The following CCDC57 variants were observed in gnomAD, a reference collection of about 807,000 sequenced individuals.
The protein encoded by CCDC57 is coiled-coil domain containing 57.
A neutral mutation model predicts 118.9 loss-of-function variants in CCDC57; 118 were observed. The ratio of observed to expected loss-of-function variants is 0.99; its 90% CI spans 0.86 to 1.16. The LOEUF is 1.16. Ranked by LOEUF, CCDC57 falls within the 50% of genes most tolerant of loss-of-function variation. The probability of loss-of-function intolerance (pLI) is 0.00; values close to 1 mark genes in which losing one functional copy is unlikely to be tolerated. For missense variants in CCDC57, 1,300 were observed against 1,320.7 expected (o/e 0.98, Z 0.24); for synonymous variants, 527 against 532.9 (o/e 0.99, Z 0.15).
At chr17:82,181,040 C>T (rs1364892711) in intron 9 of CCDC57, among the ~76,000 whole-genome samples, 4 of 151,578 alleles carry the variant, frequency 2.6e-5, no homozygotes, top group Non-Finnish European at 4.4e-5. Context: ...CGGCAAACCA[C>T]GCAGAGCACG....
intron 8 of CCDC57, among the ~76,000 whole-genome samples, chr17:82,187,538 C>T (rs1170426384): frequency 2.2e-5 from 1 of 46,290 alleles, no homozygotes; most frequent in Non-Finnish European, 3.9e-5. Context: ...TGGTGGGGCT[C>T]GGGGGGAGCT....
intron 9 of CCDC57, among the ~76,000 whole-genome samples, chr17:82,179,521 G>A (rs888598698): frequency 6.6e-6 from 1 of 152,138 alleles, no homozygotes; most frequent in African/African-American, 2.4e-5. Context: ...CAAAGGAACG[G>A]AGCTATGAAA....
intron 16 of CCDC57, 35 bp downstream of exon 15, chr17:82,151,525 A>C: frequency 8.4e-6 from 13 of 1,543,976 alleles, no homozygotes; most frequent in Non-Finnish European, 1.1e-5. Context: ...AACCTGACCC[A>C]CACTCAGGCC....
chr17:82,199,477 C>CAAATAAAAAAAAAAA (rs2048731493), intron 3 of CCDC57, among the ~76,000 whole-genome samples: 1 of 87,716 alleles, frequency 1.1e-5, no homozygotes, highest in Non-Finnish European at 2.2e-5. Context: ...GACTCTGTCT[C>CAAATAAAAAAAAAAA]AAAAAAAAAA....
At chr17:82,113,348 A>C (rs763110934) in intron 19 of CCDC57, 3 of 713,030 alleles carry the variant, frequency 4.2e-6, no homozygotes, top group Non-Finnish European at 5.2e-6. Flanking sequence ...CCAGCCTCAT[A>C]AAATGTCACC....
Position 82,171,698 on chromosome 17 carries a change from T to C in CCDC57, c.1882+3A>G, listed in dbSNP as rs2146259099. ...CAAGTACCCCACTGAGACGCGGACT[T>C]ACCAGTCGTCTCTGTCGAGGTGCGG... On this transcript the variant is annotated splice_donor_region_variant and intron_variant, in intron 13 of 19. Transcript: ENST00000665763. 6.2e-7 allele frequency: 1 copy of C among 1,609,584 alleles called. No individual in the cohort carries two copies. The highest frequency in any genetic ancestry group is 8.5e-7 in the Non-Finnish European group (1 of 1,176,122).
Position 82,114,813 on chromosome 17 carries a change from C to T in CCDC57, c.2899+12879G>A, listed in dbSNP as rs191320237. Among the ~76,000 whole-genome samples, 272 of 152,298 alleles carry T rather than the reference C, an allele frequency of 1.8e-3. 1 individual carries two copies. The highest frequency in any genetic ancestry group is 2.6e-3 in the Non-Finnish European group (178 of 68,020). ...GGGCAGGAGTGTGCCATGATTTGGCCCATACTTTGTTTGGATTTACTTAGT... is the reference window on the plus strand; with the variant it reads ...GGGCAGGAGTGTGCCATGATTTGGCTCATACTTTGTTTGGATTTACTTAGT... On this transcript the variant is annotated intron_variant, in intron 19 of 19. Coordinates refer to ENST00000665763, the Ensembl canonical transcript of CCDC57.
In CCDC57 at chr17:82,163,864, G is replaced by A. The variant is rs577376041; in HGVS notation, c.1883-507C>T. Among the ~76,000 whole-genome samples, 7 of 152,262 alleles carry A rather than the reference G, an allele frequency of 4.6e-5. No homozygotes were observed. The South Asian group carries it at 1.5e-3, about 32-fold the overall frequency. ...AAGAAGAAAGGCCAAAAACCAATGAGCTAAACATTCATCTCAAGAAATTAG... is the reference window on the plus strand; with the variant it reads ...AAGAAGAAAGGCCAAAAACCAATGAACTAAACATTCATCTCAAGAAATTAG... On this transcript the variant is annotated intron_variant, in intron 13 of 19. Transcript: ENST00000665763.
At position 82,201,862 on chromosome 17, in the gene CCDC57, C is replaced by T. The variant is rs370460701; in HGVS notation, c.83G>A (p.Arg28His). Residue 28 changes from arginine (R) to histidine (H), a missense_variant, in exon 3 of 20, where the codon CGC becomes CAC. Physicochemically the swap from Arg to His is conservative, Grantham distance 29 (BLOSUM62 0). Transcript: ENST00000665763. Reference sequence around the variant, plus strand: ...CAGAGCCGCCTCCTGCAGCTGGGTGCGGTGTGCCTGCAGCGCCCTCCACTC... The same window carrying T: ...CAGAGCCGCCTCCTGCAGCTGGGTGTGGTGTGCCTGCAGCGCCCTCCACTC... 5.1e-5 allele frequency: 83 copies of T among 1,613,060 alleles called. No homozygotes were observed. The highest frequency in any genetic ancestry group is 1.0e-4 in the Admixed American group (6 of 60,000).
chr17:82,130,499 C>CTTTTTTTT (rs35413191), intron 17 of CCDC57, among the ~76,000 whole-genome samples: 1 of 88,946 alleles, frequency 1.1e-5, no homozygotes, highest in Admixed American at 1.5e-4. Flanking sequence ...CCAGACAAAA[C>CTTTTTTTT]TTTTTTTTTT....
rs1466964434 is a variant in CCDC57 at position 82,192,111 on chromosome 17, A to C, written c.851+1645T>G. On this transcript the variant is annotated intron_variant, in intron 7 of 19. Coordinates refer to ENST00000665763, the Ensembl canonical transcript of CCDC57. The surrounding 1 kb of genome is among the most constrained non-coding windows in gnomAD (Gnocchi z 4.0). ...AGTGATTCCCCTGCCTCAGCCTGCC[A>C]AGTAGCTGGGATTACAGGCGTGCAC... Among the ~76,000 whole-genome samples the C allele has an allele frequency of 4.0e-5, 6 of 151,368 alleles. No homozygotes were observed. In the East Asian group the frequency reaches 1.2e-3, roughly 29 times the overall value.
chr17:82,117,563 G>A (rs768661363), intron 19 of CCDC57, among the ~76,000 whole-genome samples: 14 of 152,084 alleles, frequency 9.2e-5, no homozygotes, highest in East Asian at 1.9e-4. Flanking sequence ...GCTTGAGCCC[G>A]GGAGGTTGAG....
chr17:82,167,275 AT>A (rs2044107316), intron 13 of CCDC57, among the ~76,000 whole-genome samples: 1 of 152,228 alleles, frequency 6.6e-6, no homozygotes, highest in Admixed American at 6.5e-5. Context: ...CTTCAGATCA[AT>A]ATCAAAAAGA....
At chr17:82,120,663 ACAACT>A (rs1373432516) in intron 19 of CCDC57, among the ~76,000 whole-genome samples, 1 of 152,242 alleles carries the variant, frequency 6.6e-6, no homozygotes, top group Non-Finnish European at 1.5e-5. Flanking sequence ...AGATCATTAA[ACAACT>A]CAACTGCATG....
At chr17:82,126,274 C>G (rs1428259560) in intron 19 of CCDC57, 1 of 579,334 alleles carries the variant, frequency 1.7e-6, no homozygotes, top group African/African-American at 2.4e-5. Context: ...GAGCAAAACT[C>G]CATCTCAAAG....
At chr17:82,147,655 A>G (rs2040971908) in intron 16 of CCDC57, among the ~76,000 whole-genome samples, 4 of 89,798 alleles carry the variant, frequency 4.5e-5, no homozygotes, top group Non-Finnish European at 6.6e-5. Flanking sequence ...GTGGATGGAT[A>G]CATGGAAGGG....
chr17:82,145,542 C>CAA, intron 16 of CCDC57, among the ~76,000 whole-genome samples: 1 of 144,000 alleles, frequency 6.9e-6, no homozygotes. Flanking sequence ...GATTCTGTCT[C>CAA]AAAAAAAAAA....
At chr17:82,193,770 TTCC>T in exon 7 of CCDC57, 1 of 1,599,034 alleles carries the variant, frequency 6.3e-7, no homozygotes. Context: ...TCTTAAATGT[TTCC>T]TCTTCCTTCT....
chr17:82,118,986 A>G lies in CCDC57; in HGVS notation c.2899+8706T>C, dbSNP rs62079996. On this transcript the variant is annotated intron_variant, in intron 19 of 19. Transcript: ENST00000665763. This position sits in a 1 kb window ranked among gnomAD's most constrained non-coding sequence, Gnocchi z 4.7. ...CGTGAGAGGAAGCGGAGATCAGAGT[A>G]AGCTGTGTTCCCACCCTGCCAATTG... Among the ~76,000 whole-genome samples the G allele has an allele frequency of 0.53, 79,106 of 149,880 alleles. 21,623 individuals carry two copies. The highest frequency in any genetic ancestry group is 0.57 in the Non-Finnish European group (38,597 of 67,536).
Sources: gnomAD v4.1 joint callset for allele counts (sites outside exome capture counted in the v4.1 genomes callset) on GRCh38, gnomAD v4.1.1 for gene constraint, Gnocchi (gnomAD v3.1) non-coding constraint, MANE v1.5 for transcripts, NCBI Gene and HGNC (gene_info 2026-07-23, HGNC 2026-07-21) for gene names.